Variants in DLGAP1 observed in about 807,000 individuals in gnomAD.
DLGAP1 encodes disks large-associated protein 1.
A neutral mutation model predicts 90.8 loss-of-function variants in DLGAP1; 11 were observed. The observed-to-expected ratio is 0.12, with a 90% CI of 0.08 to 0.20. The LOEUF is 0.20. Ranked by LOEUF, DLGAP1 falls within the 10% of genes least tolerant of loss-of-function variation. DLGAP1 has a pLI of 1.00. For synonymous variants in DLGAP1, 558 were observed against 540.7 expected, an observed-to-expected ratio of 1.03 and a Z score of -0.44; for missense variants, 1,050 against 1,333.8, an observed-to-expected ratio of 0.79 and a Z score of 3.31.
intron 1 of DLGAP1, among the ~76,000 whole-genome samples, chr18:4,199,257 G>A (rs1243177018): frequency 6.6e-6 from 1 of 152,202 alleles, no homozygotes; most frequent in Admixed American, 6.5e-5. Flanking sequence ...AAACATCTCT[G>A]TCTTCTTGCT....
chr18:3,958,474 A>C lies in DLGAP1; in HGVS notation c.-73+46642T>G, dbSNP rs1599220619. ...ATTAGGATAAGCAAAAAAAAAAAAA[A>C]AAAAAGAGGACAGTATGAACAAGAA... On this transcript the variant is annotated intron_variant, in intron 3 of 12. Coordinates refer to ENST00000315677, the MANE Select transcript of DLGAP1 (RefSeq NM_004746.4). 2.0e-5 allele frequency among the ~76,000 whole-genome samples: 3 copies of C among 151,928 alleles called. No homozygotes were observed. The East Asian group carries it at 5.8e-4, about 29-fold the overall frequency.
At chr18:3,758,272 G>A in intron 5 of DLGAP1, among the ~76,000 whole-genome samples, 1 of 152,046 alleles carries the variant, frequency 6.6e-6, no homozygotes, top group East Asian at 1.9e-4. Context: ...ATGAAATCTG[G>A]ACACTGCACA....
At chr18:3,608,496 T>C (rs1191722447) in intron 7 of DLGAP1, among the ~76,000 whole-genome samples, 19 of 152,192 alleles carry the variant, frequency 1.2e-4, no homozygotes, top group Admixed American at 9.8e-4. Context: ...TAAGTTGTAT[T>C]TGTTTGCTTA....
chr18:4,448,913 A>G (rs1423142176), intron 1 of DLGAP1, among the ~76,000 whole-genome samples: 1 of 152,106 alleles, frequency 6.6e-6, no homozygotes, highest in African/African-American at 2.4e-5. Context: ...TCTGCCTCCC[A>G]CAACACTTTC....
At chr18:4,307,206 C>G (rs539723606) in intron 1 of DLGAP1, among the ~76,000 whole-genome samples, 17 of 152,178 alleles carry the variant, frequency 1.1e-4, no homozygotes, top group African/African-American at 4.1e-4. Context: ...TCCTAAAGAC[C>G]AACTTAATCC....
chr18:4,058,726 C>G (rs1245836169), intron 2 of DLGAP1, among the ~76,000 whole-genome samples: 1 of 152,214 alleles, frequency 6.6e-6, no homozygotes, highest in African/African-American at 2.4e-5. Flanking sequence ...CCTCCTGTAG[C>G]CTCCGTTTCT....
At chr18:3,968,110 T>C (rs189254774) in intron 3 of DLGAP1, among the ~76,000 whole-genome samples, 1 of 152,334 alleles carries the variant, frequency 6.6e-6, no homozygotes, top group Admixed American at 6.5e-5. Flanking sequence ...CACATCTTTC[T>C]GCTTTTGATC....
chr18:4,336,711 C>T lies in DLGAP1; in HGVS notation c.-267+118295G>A, dbSNP rs566624277. On this transcript the variant is annotated intron_variant, in intron 1 of 12. Coordinates refer to ENST00000315677, the MANE Select transcript of DLGAP1 (RefSeq NM_004746.4). ...TTAATAGATGGCATTTTACTATTAA[C>T]AGTTGATATGGACATGTATCGAACA... Among the ~76,000 whole-genome samples the T allele has an allele frequency of 1.1e-4, 17 of 152,238 alleles. No individual in the cohort carries two copies. In the South Asian group the frequency reaches 3.1e-3, roughly 28 times the overall value.
chr18:3,926,415 TATATATAC>T (rs752441581), intron 3 of DLGAP1, among the ~76,000 whole-genome samples: 2,391 of 122,758 alleles, frequency 0.019, 36 homozygotes, highest in South Asian at 0.043. Context: ...TATATATATA[TATATATAC>T]ACACACACAC....
rs144231023 is a variant in DLGAP1, at chr18:4,085,074, A to G, written c.-159+66106T>C. ...GCATGAAAATAGAATGGATTATTCT[A>G]TATTATTTTATATATACCAAAAGAA... is the stretch of plus-strand genomic sequence containing the variant. On this transcript the variant is annotated intron_variant, in intron 2 of 12. Transcript: ENST00000315677. Among the ~76,000 whole-genome samples the G allele has an allele frequency of 5.9e-3, 893 of 152,334 alleles. 14 individuals carry two copies. Among genetic ancestry groups the G allele is most frequent in the African/African-American group, 0.021 (857 of 41,582 alleles).
chr18:3,809,038 A>G (rs1337938674), intron 5 of DLGAP1, among the ~76,000 whole-genome samples: 1 of 152,202 alleles, frequency 6.6e-6, no homozygotes, highest in African/African-American at 2.4e-5. Flanking sequence ...TATACACGTC[A>G]GTGCTGAAAG....
intron 1 of DLGAP1, among the ~76,000 whole-genome samples, chr18:4,330,876 G>A (rs2080933413): frequency 6.6e-6 from 1 of 151,804 alleles, no homozygotes; most frequent in Middle Eastern, 3.4e-3. Context: ...GTTTGTTCAA[G>A]TCTTCTATAC....
intron 3 of DLGAP1, among the ~76,000 whole-genome samples, chr18:3,989,946 A>C (rs576525275): frequency 0.025 from 3,812 of 151,762 alleles, 111 homozygotes; most frequent in Middle Eastern, 0.13. Flanking sequence ...CCATCTCACA[A>C]CAGTTAGAAT....
chr18:3,810,664 G>GA (rs1369495621), intron 5 of DLGAP1, among the ~76,000 whole-genome samples: 1 of 152,088 alleles, frequency 6.6e-6, no homozygotes, highest in Non-Finnish European at 1.5e-5. Context: ...CAAACTTCTA[G>GA]AAAAATAATG....
chr18:4,378,762 A>T lies in DLGAP1; in HGVS notation c.-267+76244T>A, dbSNP rs1200203354. Among the ~76,000 whole-genome samples the T allele has an allele frequency of 4.6e-5, 7 of 152,160 alleles. No individual in the cohort carries two copies. The East Asian group carries it at 1.3e-3, about 29-fold the overall frequency. ...CTGTTTTTATTTCCAACTCTTTCCT[A>T]AATAGATCTTCCCTCCTAACAGCTT... On this transcript the variant is annotated intron_variant, in intron 1 of 12. Transcript: ENST00000315677. This position sits in a 1 kb window ranked among gnomAD's most constrained non-coding sequence, Gnocchi z 4.5.
At chr18:4,335,586 G>A (rs1010485461) in intron 1 of DLGAP1, among the ~76,000 whole-genome samples, 2 of 149,580 alleles carry the variant, frequency 1.3e-5, no homozygotes, top group Non-Finnish European at 2.9e-5. Context: ...TCTGGAAAAG[G>A]AAGGAAACAT....
chr18:3,690,094 GTTTTTTTTTTTTTTTT>G (rs77999372), intron 7 of DLGAP1, among the ~76,000 whole-genome samples: 23,220 of 117,210 alleles, frequency 0.2, 2,134 homozygotes, highest in South Asian at 0.31. Context: ...GCTGGGTGAG[GTTTTTTTTTTTTTTTT>G]TTTTTTTTGA....
At chr18:3,964,275 A>G (rs1160231818) in intron 3 of DLGAP1, among the ~76,000 whole-genome samples, 1 of 152,220 alleles carries the variant, frequency 6.6e-6, no homozygotes, top group African/African-American at 2.4e-5. Context: ...TCTATTTATC[A>G]TTAGTGGAAA....
At chr18:4,007,368 A>G (rs190632359) in intron 2 of DLGAP1, among the ~76,000 whole-genome samples, 1 of 152,010 alleles carries the variant, frequency 6.6e-6, no homozygotes, top group African/African-American at 2.4e-5. Flanking sequence ...AAATCATTTC[A>G]TTGCTGGCCG....
Sources: gnomAD v4.1 joint callset for allele counts (sites outside exome capture counted in the v4.1 genomes callset) on GRCh38, gnomAD v4.1.1 for gene constraint, Gnocchi (gnomAD v3.1) non-coding constraint, MANE v1.5 for transcripts, NCBI Gene and HGNC (gene_info 2026-07-23, HGNC 2026-07-21) for gene names.